EXT1: variants seen among roughly 807,000 people sequenced by gnomAD.
The protein encoded by EXT1 is exostosin glycosyltransferase 1.
A neutral mutation model predicts 82.5 loss-of-function variants in EXT1; 20 were observed. The ratio of observed to expected loss-of-function variants is 0.24; its 90% CI spans 0.17 to 0.35. The LOEUF (loss-of-function observed/expected upper bound fraction) is 0.35, where lower values mean the gene tolerates loss of function less well. EXT1 is among the 10% of genes least tolerant of loss of function. The pLI, the probability that EXT1 is intolerant of heterozygous loss-of-function variation, is 1.00. For missense variants in EXT1, 757 were observed against 936.5 expected (o/e 0.81, Z 2.50); for synonymous variants, 348 against 350.8 (o/e 0.99, Z 0.09).
chr8:118,069,736 CT>C (rs200131546), intron 1 of EXT1, among the ~76,000 whole-genome samples: 46 of 149,160 alleles, frequency 3.1e-4, no homozygotes, highest in Admixed American at 6.0e-4. Flanking sequence ...GTTTTTATTT[CT>C]TTTTTTTTTA....
intron 1 of EXT1, among the ~76,000 whole-genome samples, chr8:118,083,194 G>A (rs1817361087): frequency 6.6e-6 from 1 of 152,130 alleles, no homozygotes. Context: ...TGGTCTTGAG[G>A]AATTTAAGAA....
intron 1 of EXT1, among the ~76,000 whole-genome samples, chr8:117,882,870 G>A (rs1365900546): frequency 4.0e-5 from 6 of 151,608 alleles, no homozygotes; most frequent in Admixed American, 1.3e-4. Flanking sequence ...CCAGCTACTC[G>A]GGAGGCTGAG....
intron 1 of EXT1, among the ~76,000 whole-genome samples, chr8:117,988,860 C>T (rs1479549401): frequency 1.3e-5 from 2 of 152,142 alleles, no homozygotes; most frequent in African/African-American, 4.8e-5. Context: ...CACACAGAGA[C>T]AGTCTAGGGG....
At chr8:118,046,895 C>T (rs1459308345) in intron 1 of EXT1, among the ~76,000 whole-genome samples, 1 of 152,152 alleles carries the variant, frequency 6.6e-6, no homozygotes, top group Non-Finnish European at 1.5e-5. Context: ...GTTTATACCC[C>T]AACATATATT....
intron 1 of EXT1, among the ~76,000 whole-genome samples, chr8:117,955,399 C>T (rs1355416040): frequency 1.3e-5 from 2 of 152,054 alleles, no homozygotes; most frequent in Non-Finnish European, 2.9e-5. Context: ...GACATCACCA[C>T]TTTGAAGCTA....
intron 1 of EXT1, among the ~76,000 whole-genome samples, chr8:117,940,739 A>G (rs572798806): frequency 6.6e-6 from 1 of 152,334 alleles, no homozygotes; most frequent in South Asian, 2.1e-4. Context: ...AAAACTTTAC[A>G]AAATTGAAAT....
intron 1 of EXT1, among the ~76,000 whole-genome samples, chr8:117,873,703 G>A (rs548831895): frequency 1.4e-4 from 21 of 152,168 alleles, no homozygotes; most frequent in Non-Finnish European, 2.5e-4. Context: ...TGATCTGCCC[G>A]CCTTGGACTC....
At chr8:118,109,836 A>G (rs540548367) in intron 1 of EXT1, among the ~76,000 whole-genome samples, 1 of 152,268 alleles carries the variant, frequency 6.6e-6, no homozygotes, top group East Asian at 1.9e-4. Flanking sequence ...TTCCTAAGCA[A>G]GAGGGAGATA....
chr8:117,869,467 GA>G (rs1812833018), intron 1 of EXT1, among the ~76,000 whole-genome samples: 1 of 151,872 alleles, frequency 6.6e-6, no homozygotes, highest in South Asian at 2.1e-4. Context: ...TCAATTACCA[GA>G]AGTTTTTTAA....
intron 1 of EXT1, among the ~76,000 whole-genome samples, chr8:118,037,346 C>T (rs1353781177): frequency 1.3e-5 from 2 of 151,070 alleles, no homozygotes; most frequent in African/African-American, 4.9e-5. Flanking sequence ...TGTCTGCCCT[C>T]GAGTACCTTA....
intron 1 of EXT1, among the ~76,000 whole-genome samples, chr8:117,870,983 A>G (rs191173493): frequency 6.6e-6 from 1 of 152,172 alleles, no homozygotes; most frequent in South Asian, 2.1e-4. Context: ...GAGAGAAAAA[A>G]GGTTAAAAGA....
intron 1 of EXT1, among the ~76,000 whole-genome samples, chr8:117,917,988 C>T (rs749574770): frequency 1.6e-4 from 25 of 152,164 alleles, no homozygotes; most frequent in Non-Finnish European, 2.8e-4. Flanking sequence ...AGCAAGGATC[C>T]TGACATAATG....
intron 1 of EXT1, among the ~76,000 whole-genome samples, chr8:118,085,114 T>C (rs1473613530): frequency 3.3e-5 from 5 of 152,130 alleles, no homozygotes; most frequent in African/African-American, 1.2e-4. Flanking sequence ...GTGTGACAAA[T>C]TGACAAAGGG....
chr8:118,109,082 G>A (rs1817845064), intron 1 of EXT1, among the ~76,000 whole-genome samples: 1 of 152,128 alleles, frequency 6.6e-6, no homozygotes, highest in Non-Finnish European at 1.5e-5. Context: ...ACCAAGCTCA[G>A]GATAAAGCAG....
At chr8:117,810,230 C>A (rs1242356854) in intron 8 of EXT1, among the ~76,000 whole-genome samples, 1 of 152,136 alleles carries the variant, frequency 6.6e-6, no homozygotes, top group Admixed American at 6.6e-5. Flanking sequence ...AAAATCCATC[C>A]TTAATGCTGC....
chr8:117,992,166 C>T (rs1815447586), intron 1 of EXT1, among the ~76,000 whole-genome samples: 1 of 152,056 alleles, frequency 6.6e-6, no homozygotes, highest in Non-Finnish European at 1.5e-5. Context: ...GAGTTTTCAT[C>T]TCCCTCCCTC....
chr8:118,095,358 C>CT (rs1817591731), intron 1 of EXT1, among the ~76,000 whole-genome samples: 1 of 152,128 alleles, frequency 6.6e-6, no homozygotes, highest in Admixed American at 6.5e-5. Context: ...AAATACTGTT[C>CT]TTTTTTAAAA....
At chr8:117,832,528 A>AGAAAAG (rs768307651) in intron 3 of EXT1, among the ~76,000 whole-genome samples, 3 of 151,304 alleles carry the variant, frequency 2.0e-5, no homozygotes, top group Non-Finnish European at 4.4e-5. Context: ...CTTAAAAAAA[A>AGAAAAG]AAAAGAAAAG....
At chr8:118,020,660 G>A (rs1816088036) in intron 1 of EXT1, among the ~76,000 whole-genome samples, 1 of 152,168 alleles carries the variant, frequency 6.6e-6, no homozygotes, top group Admixed American at 6.5e-5. Flanking sequence ...TCAGGACTGT[G>A]CCTGATCGAA....
Sources: allele counts gnomAD v4.1 joint callset (sites outside exome capture counted in the v4.1 genomes callset), GRCh38; gene constraint gnomAD v4.1.1; transcripts MANE v1.5; gene names NCBI Gene and HGNC (gene_info 2026-07-23, HGNC 2026-07-21).